TMCC3: variants seen among roughly 807,000 people sequenced by gnomAD.
The protein encoded by TMCC3 is transmembrane and coiled-coil domain protein 3.
TMCC3 carries 28 observed loss-of-function variants against 40.2 expected under a neutral mutation model. That is an observed-to-expected ratio of 0.70 (90% CI 0.52 to 0.95). The LOEUF is 0.95. TMCC3 is among the 40% of genes least tolerant of loss of function. TMCC3 has a pLI of 0.00. For missense variants in TMCC3, 554 were observed against 615.2 expected (o/e 0.90, Z 1.05); for synonymous variants, 255 against 248.5 (o/e 1.03, Z -0.25).
intron 1 of TMCC3, among the ~76,000 whole-genome samples, chr12:94,621,123 C>T (rs994655839): frequency 1.3e-5 from 2 of 152,170 alleles, no homozygotes; most frequent in African/African-American, 4.8e-5. Context: ...CCTAAAGTAA[C>T]CATGCTTAGA....
At chr12:94,629,871 C>T (rs1186053818) in intron 1 of TMCC3, among the ~76,000 whole-genome samples, 1 of 152,210 alleles carries the variant, frequency 6.6e-6, no homozygotes, top group Non-Finnish European at 1.5e-5. Flanking sequence ...GGAGACCCTG[C>T]TATTTGACTA....
intron 1 of TMCC3, among the ~76,000 whole-genome samples, chr12:94,589,134 GT>G (rs1193357757): frequency 1.1e-5 from 1 of 88,396 alleles, no homozygotes; most frequent in Non-Finnish European, 2.5e-5. Context: ...GTATGAGGTT[GT>G]TGTTTTTTTT....
chr12:94,587,000 G>GA (rs1226553106), intron 1 of TMCC3, among the ~76,000 whole-genome samples: 1 of 152,182 alleles, frequency 6.6e-6, no homozygotes, highest in Non-Finnish European at 1.5e-5. Context: ...CACTGCATGG[G>GA]ATAATTGAGA....
rs751531227 is a variant in TMCC3, at chr12:94,578,566, T to C, written c.996-37A>G. On this transcript the variant is annotated intron_variant, in intron 2 of 3. Coordinates refer to ENST00000261226, the MANE Select transcript of TMCC3 (RefSeq NM_020698.4). The stretch of plus-strand genomic sequence containing the variant: ...AGGAGCCGATTCCCAGTGTGACCTT[T>C]CACAGCACATTGTGGAACGATGTCC... 8 of 1,597,174 alleles carry C rather than the reference T, an allele frequency of 5.0e-6. No homozygotes were observed. In the South Asian group the frequency reaches 9.0e-5, roughly 18 times the overall value.
chr12:94,595,760 T>C (rs2068711735), intron 1 of TMCC3, among the ~76,000 whole-genome samples: 1 of 152,200 alleles, frequency 6.6e-6, no homozygotes, highest in Admixed American at 6.5e-5. Flanking sequence ...TTTTGCACAG[T>C]TTTATTTTTT....
chr12:94,582,965 C>CTTTTTTTTT (rs753900771), intron 1 of TMCC3, among the ~76,000 whole-genome samples: 1 of 59,946 alleles, frequency 1.7e-5, no homozygotes, highest in African/African-American at 9.9e-5. Flanking sequence ...GAAGGAGAAT[C>CTTTTTTTTT]TTTTTTTTTT....
intron 3 of TMCC3, among the ~76,000 whole-genome samples, chr12:94,576,409 C>T (rs1365398713): frequency 6.6e-6 from 1 of 152,198 alleles, no homozygotes; most frequent in Non-Finnish European, 1.5e-5. Context: ...AGCCTTCAGC[C>T]TTCCTAGAGC....
intron 1 of TMCC3, among the ~76,000 whole-genome samples, chr12:94,641,030 T>C (rs564718897): frequency 6.6e-6 from 1 of 152,162 alleles, no homozygotes; most frequent in South Asian, 2.1e-4. Flanking sequence ...TGAAACCCTG[T>C]CTCTACTAAA....
intron 1 of TMCC3, among the ~76,000 whole-genome samples, chr12:94,602,378 T>C (rs552707646): frequency 2.6e-5 from 4 of 152,314 alleles, no homozygotes; most frequent in East Asian, 3.9e-4. Context: ...TAACTAAATC[T>C]AGGAACATCA....
rs925593043 is a variant in TMCC3 at position 94,570,307 on chromosome 12, G to A, written c.*1128C>T. 2 of 152,158 alleles carry A rather than the reference G, an allele frequency of 1.3e-5. No individual in the cohort carries two copies. The highest frequency in any genetic ancestry group is 2.4e-5 in the African/African-American group (1 of 41,434). The allele number at this position is 152,158 out of a possible 1,614,324, so 9.4% of individuals were successfully genotyped here. On this transcript the variant is annotated 3_prime_UTR_variant, in exon 4 of 4. Transcript: ENST00000261226. ...ACCTCAGTGCACTTGAACTTTAGAG[G>A]CTATGGTTCGGTTGTCCTTCAAGGA...
At position 94,635,755 on chromosome 12, in the gene TMCC3, C is replaced by T. The variant is rs2068957620; in HGVS notation, c.78+14598G>A. On this transcript the variant is annotated intron_variant, in intron 1 of 3. Coordinates refer to ENST00000261226, the MANE Select transcript of TMCC3 (RefSeq NM_020698.4). Reference sequence around the variant, plus strand: ...CACGATCTTGGCTCACTGCAACCTCCGCCTCCCAGGTTCGAGCAATTCTGT... The same window carrying T: ...CACGATCTTGGCTCACTGCAACCTCTGCCTCCCAGGTTCGAGCAATTCTGT... Among the ~76,000 whole-genome samples, 6 of 150,570 alleles carry T rather than the reference C, an allele frequency of 4.0e-5. No individual in the cohort carries two copies. In the South Asian group the frequency reaches 6.3e-4, roughly 16 times the overall value.
At chr12:94,583,185 T>C (rs1308040436) in intron 1 of TMCC3, among the ~76,000 whole-genome samples, 1 of 144,932 alleles carries the variant, frequency 6.9e-6, no homozygotes. Context: ...CACAGTGATA[T>C]TAAAAAAAAA....
Position 94,578,431 on chromosome 12 carries a change from A to G in TMCC3, c.1094T>C (p.Val365Ala), listed in dbSNP as rs778419204. Reference protein sequence around the residue: ...KQELASIEEKVAYQAYERSRD... With the variant: ...KQELASIEEKAAYQAYERSRD... ...CGAGCGCTCGTAGGCCTGGTAGGCCACCTTCTCCTCAATGCTGGCCAGCTC... is the reference window on the plus strand; with the variant it reads ...CGAGCGCTCGTAGGCCTGGTAGGCCGCCTTCTCCTCAATGCTGGCCAGCTC... The change falls in exon 3 of 4, where the codon GTG becomes GCG. Residue 365 changes from valine to alanine, a missense_variant. Coordinates refer to ENST00000261226, the MANE Select transcript of TMCC3 (RefSeq NM_020698.4). 3 of 1,614,078 alleles carry G rather than the reference A, an allele frequency of 1.9e-6. No homozygotes were observed. Among genetic ancestry groups the G allele is most frequent in the Admixed American group, 1.7e-5 (1 of 60,012 alleles).
chr12:94,597,124 C>CATACATACATATATATATATATAT (rs1491316794), intron 1 of TMCC3, among the ~76,000 whole-genome samples: 39 of 29,764 alleles, frequency 1.3e-3, no homozygotes, highest in Non-Finnish European at 3.3e-3. Context: ...TATTAAAATA[C>CATACATACATATATATATATATAT]ATATATATAT....
chr12:94,625,218 T>C (rs2068897477), intron 1 of TMCC3, among the ~76,000 whole-genome samples: 1 of 150,970 alleles, frequency 6.6e-6, no homozygotes, highest in Non-Finnish European at 1.5e-5. Context: ...AATAAGGTAA[T>C]GTTGTGAGGT....
rs771667970 is a variant in TMCC3, at chr12:94,571,656, C to T, written c.1213G>A (p.Val405Met). The part of the protein sequence containing the change: ...QEQQALQTDT[V>M]NAKVLLGRCI... ...CTCCCCAGGAGAACTTTAGCATTCA[C>T]GGTGTCTGTCTGCAGAGCTTGCTGC... The change falls in exon 4 of 4, where the codon GTG (valine) becomes ATG (methionine). Residue 405 changes from valine to methionine, a missense_variant. Val to Met is a conservative substitution (Grantham distance 21, BLOSUM62 1). Transcript: ENST00000261226. 35 of 1,614,080 alleles carry T rather than the reference C, an allele frequency of 2.2e-5. No individual in the cohort carries two copies. The highest frequency in any genetic ancestry group is 1.3e-4 in the Admixed American group (8 of 60,012).
chr12:94,581,870 G>T lies in TMCC3; in HGVS notation c.747C>A (p.Pro249=). Residue 249 remains proline (P), a synonymous_variant, in exon 2 of 4, where the codon CCC becomes CCA. Transcript: ENST00000261226. ...AACATTCATCATCACTGCCATACTT[G>T]GGTTTGTTCACGATGGTAGCGCTGC... The part of the protein sequence containing the change: ...YGGSATIVNK[P]KYGSDDECSS... The T allele has an allele frequency of 1.2e-6, 2 of 1,614,186 alleles. No individual in the cohort carries two copies.
In TMCC3 at chr12:94,571,354, T is replaced by C. The variant is rs1437964481; in HGVS notation, c.*81A>G. 2 of 1,419,256 alleles carry C rather than the reference T, an allele frequency of 1.4e-6. No homozygotes were observed. The highest frequency in any genetic ancestry group is 1.9e-6 in the Non-Finnish European group (2 of 1,034,648). 87.9% of individuals were successfully genotyped at this position (1,419,256 alleles called of 1,614,324 possible). ...CTTACACACGAGTCCGCACAATCATTCACTGTAAAATTTGGTAGTATGCAC... is the reference window on the plus strand; with the variant it reads ...CTTACACACGAGTCCGCACAATCATCCACTGTAAAATTTGGTAGTATGCAC... On this transcript the variant is annotated 3_prime_UTR_variant, in exon 4 of 4. Coordinates refer to ENST00000261226, the MANE Select transcript of TMCC3 (RefSeq NM_020698.4).
chr12:94,618,462 A>T (rs2068858506), intron 1 of TMCC3, among the ~76,000 whole-genome samples: 1 of 152,230 alleles, frequency 6.6e-6, no homozygotes, highest in South Asian at 2.1e-4. Flanking sequence ...CTAATACAGA[A>T]TGATGTGGCA....
Sources: gnomAD v4.1 joint callset for allele counts (sites outside exome capture counted in the v4.1 genomes callset) on GRCh38, gnomAD v4.1.1 for gene constraint, MANE v1.5 for transcripts, NCBI Gene and HGNC (gene_info 2026-07-23, HGNC 2026-07-21) for gene names.